Variants in RNF114 observed in about 807,000 individuals in gnomAD.
RNF114 encodes the protein ring finger protein 114, also known as E3 ubiquitin-protein ligase RNF114.
In RNF114, 6 loss-of-function variants were observed where a neutral mutation model predicts 28.4. The observed-to-expected ratio is 0.21, with a 90% CI of 0.12 to 0.42. The LOEUF is 0.42. RNF114 is among the 10% of genes least tolerant of loss of function. The probability of loss-of-function intolerance (pLI) is 1.00; values close to 1 mark genes in which losing one functional copy is unlikely to be tolerated. For synonymous variants in RNF114, 115 were observed against 116.7 expected (o/e 0.99, Z 0.09); for missense variants, 249 against 311.7 (o/e 0.80, Z 1.51).
At chr20:49,937,957 A>G (rs1357654843) in intron 1 of RNF114, among the ~76,000 whole-genome samples, 2 of 152,160 alleles carry the variant, frequency 1.3e-5, no homozygotes, top group Non-Finnish European at 2.9e-5. Flanking sequence ...ATAAATAAGT[A>G]CCAATGACTG....
chr20:49,949,452 C>A, intron 5 of RNF114, 97 bp downstream of exon 5: 2 of 1,016,904 alleles, frequency 2.0e-6, no homozygotes, highest in Non-Finnish European at 3.1e-6. Flanking sequence ...CAGTGTTGAA[C>A]TTTGTCGCTG....
At chr20:49,950,715 A>G (rs151140377) in intron 5 of RNF114, among the ~76,000 whole-genome samples, 1 of 151,426 alleles carries the variant, frequency 6.6e-6, no homozygotes, top group East Asian at 1.9e-4. Context: ...ACACACACAC[A>G]CAACAACAAT....
In RNF114 at chr20:49,941,674, A is replaced by C. The variant is rs2090308397; in HGVS notation, c.254A>C (p.Glu85Ala). The change falls in exon 2 of 6, where the codon GAG becomes GCG. Residue 85 changes from glutamate to alanine, a missense_variant. By Grantham distance (107) the Glu-to-Ala change is moderately radical. Transcript: ENST00000244061. ...VRAVELERQI[E>A]STETSCHGCR... ...GCCGTGGAGCTCGAGCGGCAGATCG[A>C]GAGCACAGAGACTTCTTGCCATGGC... 1 of 1,612,672 alleles carries C rather than the reference A, an allele frequency of 6.2e-7. No homozygotes were observed. Among genetic ancestry groups the C allele is most frequent in the African/African-American group, 1.3e-5 (1 of 74,904 alleles).
At position 49,953,820 on chromosome 20, in the gene RNF114, A is replaced by G. The variant is rs187258072; in HGVS notation, c.*1679A>G. On this transcript the variant is annotated 3_prime_UTR_variant, in exon 6 of 6. Transcript: ENST00000244061. Reference sequence around the variant, plus strand: ...TTTCTAATAAGATGACTTTCCAGAAAGTGAGATTTGTTATGTTCTGGCTTT... The same window carrying G: ...TTTCTAATAAGATGACTTTCCAGAAGGTGAGATTTGTTATGTTCTGGCTTT... The G allele has an allele frequency of 1.3e-5, 2 of 152,302 alleles. No individual in the cohort carries two copies. Among genetic ancestry groups the G allele is most frequent in the Non-Finnish European group, 2.9e-5 (2 of 68,030 alleles). The allele number at this position is 152,302 out of a possible 1,614,324, so 9.4% of individuals were successfully genotyped here. A position where few individuals can be genotyped will look rare whatever the true frequency, so the allele number is the denominator to read the frequency against.
intron 4 of RNF114, among the ~76,000 whole-genome samples, chr20:49,948,042 G>C (rs939009068): frequency 9.9e-5 from 15 of 151,392 alleles, no homozygotes; most frequent in Non-Finnish European, 2.1e-4. Flanking sequence ...CGCCCGTCTC[G>C]GCCTCCCAAA....
chr20:49,950,881 C>T (rs2090352891), intron 5 of RNF114, among the ~76,000 whole-genome samples: 1 of 152,074 alleles, frequency 6.6e-6, no homozygotes, highest in Admixed American at 6.6e-5. Context: ...GCTTCTCCAC[C>T]CCCCATGCCC....
intron 2 of RNF114, chr20:49,944,012 G>C (rs573328751): frequency 2.9e-4 from 44 of 151,862 alleles, no homozygotes; most frequent in African/African-American, 1.0e-3. Context: ...ATAGGCATGA[G>C]CCATTGCACC....
chr20:49,937,345 G>A (rs997677948), intron 1 of RNF114, among the ~76,000 whole-genome samples: 1 of 152,204 alleles, frequency 6.6e-6, no homozygotes, highest in African/African-American at 2.4e-5. Context: ...GTGGCCACCT[G>A]CTTCTTGCCT....
chr20:49,936,581 G>A, intron 1 of RNF114, 29 bp downstream of exon 1: 2 of 1,574,504 alleles, frequency 1.3e-6, no homozygotes, highest in Non-Finnish European at 1.7e-6. Context: ...CCTGGTCGGG[G>A]GGCGCTTAAC....
intron 5 of RNF114, 73 bp downstream of exon 5, chr20:49,949,428 G>A: frequency 8.0e-7 from 1 of 1,253,968 alleles, no homozygotes; most frequent in East Asian, 2.3e-5. Context: ...CTCAAAAGGG[G>A]AAATGGGGAT....
intron 3 of RNF114, 89 bp downstream of exon 3, chr20:49,945,577 T>TTG: frequency 1.4e-6 from 1 of 740,706 alleles, no homozygotes; most frequent in South Asian, 1.6e-5. Context: ...TTGTATGAAT[T>TTG]GTTATGCTGG....
At chr20:49,948,356 T>G (rs1297067962) in intron 4 of RNF114, among the ~76,000 whole-genome samples, 1 of 152,178 alleles carries the variant, frequency 6.6e-6, no homozygotes. Context: ...CTGGTCTGGT[T>G]GTTTACATGT....
Position 49,945,501 on chromosome 20 carries a change from G to A in RNF114, c.398+13G>A. On this transcript the variant is annotated intron_variant, in intron 3 of 5. Transcript: ENST00000244061. ...CTCTTCAGCCAAGGTAAATGACTCA[G>A]TCTCCCCTTAGGTGGAGGTCATCTC... The A allele has an allele frequency of 6.6e-7, 1 of 1,510,216 alleles. No individual in the cohort carries two copies. Among genetic ancestry groups the A allele is most frequent in the South Asian group, 1.1e-5 (1 of 89,018 alleles). 93.6% of individuals were successfully genotyped at this position (1,510,216 alleles called of 1,614,324 possible). A position where few individuals can be genotyped will look rare whatever the true frequency, so the allele number is the denominator to read the frequency against.
intron 2 of RNF114, among the ~76,000 whole-genome samples, chr20:49,943,206 C>T (rs2090314498): frequency 6.6e-6 from 1 of 152,122 alleles, no homozygotes; most frequent in Non-Finnish European, 1.5e-5. Flanking sequence ...TTGGGGGCTT[C>T]ACTCTTGAGG....
intron 1 of RNF114, among the ~76,000 whole-genome samples, chr20:49,940,638 C>T (rs553111733): frequency 1.3e-5 from 2 of 152,024 alleles, no homozygotes; most frequent in Non-Finnish European, 2.9e-5. Flanking sequence ...TGGTCTCGAT[C>T]TCCTGACCTT....
chr20:49,952,203 A>T lies in RNF114; in HGVS notation c.*62A>T, dbSNP rs2090357777. On this transcript the variant is annotated 3_prime_UTR_variant, in exon 6 of 6. Coordinates refer to ENST00000244061, the MANE Select transcript of RNF114 (RefSeq NM_018683.4). ...AGCTTCCATTACATATTAAACGTGA[A>T]ATCTATGACTCCTGTACCTTACCTG... is the stretch of plus-strand genomic sequence containing the variant. The T allele has an allele frequency of 7.2e-7, 1 of 1,382,410 alleles. No homozygotes were observed. Among genetic ancestry groups the T allele is most frequent in the African/African-American group, 1.4e-5 (1 of 70,444 alleles). The allele number at this position is 1,382,410 out of a possible 1,614,324, so 85.6% of individuals were successfully genotyped here. A position where few individuals can be genotyped will look rare whatever the true frequency, so the allele number is the denominator to read the frequency against.
intron 1 of RNF114, among the ~76,000 whole-genome samples, chr20:49,939,139 A>G (rs969036732): frequency 1.3e-5 from 2 of 152,180 alleles, no homozygotes; most frequent in Non-Finnish European, 2.9e-5. Flanking sequence ...AACTCCTCAG[A>G]AGCAGCTTTC....
intron 5 of RNF114, among the ~76,000 whole-genome samples, chr20:49,949,932 C>T (rs2090348948): frequency 6.6e-6 from 1 of 150,742 alleles, no homozygotes; most frequent in Admixed American, 6.6e-5. Flanking sequence ...CGTGAGCCAC[C>T]ACGCCCGGCC....
chr20:49,941,583 G>C lies in RNF114; in HGVS notation c.163G>C (p.Glu55Gln), dbSNP rs752489410. Residue 55 changes from glutamate (E) to glutamine (Q), a missense_variant, in exon 2 of 6, where the codon GAA becomes CAA. Physicochemically the swap from Glu to Gln is conservative, Grantham distance 29. Transcript: ENST00000244061. ...TAGCTTTTGCTCTGCATGCCTGCAG[G>C]AATGTCTGAAGCCGAAGAAGCCTGT... ...GHVFCSACLQ[E>Q]CLKPKKPVCG... 1.1e-5 allele frequency: 18 copies of C among 1,606,104 alleles called. No homozygotes were observed. Among genetic ancestry groups the C allele is most frequent in the Non-Finnish European group, 3.4e-6 (4 of 1,174,692 alleles).
Sources: gnomAD v4.1 joint callset for allele counts (sites outside exome capture counted in the v4.1 genomes callset) on GRCh38, gnomAD v4.1.1 for gene constraint, MANE v1.5 for transcripts, NCBI Gene and HGNC (gene_info 2026-07-23, HGNC 2026-07-21) for gene names.